Variants in AVEN observed in about 807,000 individuals in gnomAD.
AVEN encodes cell death regulator Aven.
AVEN carries 41 observed loss-of-function variants against 38.1 expected under a neutral mutation model. The observed-to-expected ratio is 1.08, with a 90% confidence interval of 0.84 to 1.40. The LOEUF (loss-of-function observed/expected upper bound fraction) is 1.40. Among genes scored for constraint, AVEN ranks in the 40% most tolerant of loss-of-function variants. The pLI is 0.00. For synonymous variants in AVEN, 206 were observed against 171.8 expected, an observed-to-expected ratio of 1.20 and a Z score of -1.56; for missense variants, 605 against 438.8, an observed-to-expected ratio of 1.38 and a Z score of -3.38.
intron 2 of AVEN, among the ~76,000 whole-genome samples, chr15:33,897,298 A>T (rs7495254): frequency 6.9e-3 from 33 of 4,812 alleles, no homozygotes; most frequent in Non-Finnish European, 0.014. Flanking sequence ...TAAATTAATT[A>T]ATTAATTTAT....
chr15:33,968,889 T>A (rs1453003221), intron 2 of AVEN: 1 of 152,086 alleles, frequency 6.6e-6, no homozygotes, highest in African/African-American at 2.4e-5. Flanking sequence ...TTGTTTGTGA[T>A]CAGATCAACT....
downstream of AVEN, chr15:33,865,000 G>A (rs1323411134): frequency 3.1e-6 from 2 of 635,200 alleles, no homozygotes; most frequent in African/African-American, 1.8e-5. Flanking sequence ...GAGCAAGAAT[G>A]AATGTGCAGG....
intron 1 of AVEN, among the ~76,000 whole-genome samples, chr15:34,019,392 A>G (rs1332520954): frequency 1.3e-5 from 2 of 152,242 alleles, no homozygotes; most frequent in African/African-American, 4.8e-5. Flanking sequence ...AAAATATTTA[A>G]AAGTTTATAA....
chr15:34,038,958 C>T lies in AVEN; in HGVS notation c.89G>A (p.Gly30Glu), dbSNP rs1472373078. The change falls in exon 1 of 6, where the codon GGA becomes GAA. Residue 30 changes from glycine to glutamate, a missense_variant. Gly to Glu is a moderately conservative substitution (Grantham distance 98). Transcript: ENST00000306730. Reference protein sequence around the residue: ...PGGDRHSERPGAAAAVARGGG... With the variant: ...PGGDRHSERPEAAAAVARGGG... ...GCCTCTGGCTACCGCCGCTGCGGCT[C>T]CGGGCCGCTCGCTGTGGCGATCTCC... is the stretch of plus-strand genomic sequence containing the variant. 3.6e-6 allele frequency: 4 copies of T among 1,108,452 alleles called. No individual in the cohort carries two copies. The highest frequency in any genetic ancestry group is 3.9e-5 in the South Asian group (1 of 25,444). The allele number at this position is 1,108,452 out of a possible 1,614,324, so 68.7% of individuals were successfully genotyped here.
intron 2 of AVEN, among the ~76,000 whole-genome samples, chr15:33,882,820 C>A (rs1043072886): frequency 6.6e-6 from 1 of 152,124 alleles, no homozygotes; most frequent in Non-Finnish European, 1.5e-5. Flanking sequence ...TGCAGTGGAG[C>A]TGACATCATG....
intron 2 of AVEN, among the ~76,000 whole-genome samples, chr15:33,918,816 CAG>C (rs994781045): frequency 2.6e-5 from 4 of 152,108 alleles, no homozygotes; most frequent in South Asian, 2.1e-4. Flanking sequence ...ATTGACTAAA[CAG>C]AATTTCCTCA....
chr15:33,982,811 TC>T (rs1896213426), intron 2 of AVEN, among the ~76,000 whole-genome samples: 5 of 152,046 alleles, frequency 3.3e-5, no homozygotes, highest in African/African-American at 1.2e-4. Context: ...TCTCTCTCTC[TC>T]TGGACCAGCC....
chr15:33,882,536 T>A (rs1891531178), intron 2 of AVEN, among the ~76,000 whole-genome samples: 1 of 146,024 alleles, frequency 6.8e-6, no homozygotes, highest in African/African-American at 2.5e-5. Context: ...TTAAATCAAA[T>A]AATTGTGTGA....
Position 33,867,798 on chromosome 15 carries a change from C to T in AVEN, c.670G>A (p.Gly224Arg). The T allele has an allele frequency of 6.2e-7, 1 of 1,612,484 alleles. No individual in the cohort carries two copies. The highest frequency in any genetic ancestry group is 8.5e-7 in the Non-Finnish European group (1 of 1,179,510). The change falls in exon 5 of 6, where the codon GGA (glycine) becomes AGA (arginine). Residue 224 changes from glycine to arginine, a missense_variant. By Grantham distance (125) the Gly-to-Arg change is moderately radical. Transcript: ENST00000306730. ...GGCCCCTTTAACTGCATCCCTAATCCCTTGCCATCATCAGTTCTCTTTGGT... is the reference window on the plus strand; with the variant it reads ...GGCCCCTTTAACTGCATCCCTAATCTCTTGCCATCATCAGTTCTCTTTGGT... ...VKPKRTDDGKGLGMQLKGPLG... is the reference protein window; with the variant it reads ...VKPKRTDDGKRLGMQLKGPLG...
At chr15:34,020,840 C>G (rs1354818247) in intron 1 of AVEN, among the ~76,000 whole-genome samples, 1 of 152,156 alleles carries the variant, frequency 6.6e-6, no homozygotes, top group Non-Finnish European at 1.5e-5. Context: ...CAGCCCTAAC[C>G]AGTAAAAGCT....
At chr15:33,900,670 A>G (rs565565170) in intron 2 of AVEN, among the ~76,000 whole-genome samples, 1 of 152,284 alleles carries the variant, frequency 6.6e-6, no homozygotes, top group South Asian at 2.1e-4. Flanking sequence ...CAAGTAAAAT[A>G]TCATTGGTGC....
chr15:34,002,550 A>G (rs1897176913), intron 2 of AVEN, among the ~76,000 whole-genome samples: 1 of 152,178 alleles, frequency 6.6e-6, no homozygotes, highest in East Asian at 1.9e-4. Flanking sequence ...AGAGAAGACT[A>G]TCCAAAAGCA....
chr15:33,963,245 G>C (rs1895266036), intron 2 of AVEN, among the ~76,000 whole-genome samples: 1 of 152,088 alleles, frequency 6.6e-6, no homozygotes, highest in Non-Finnish European at 1.5e-5. Flanking sequence ...GCTTTGCATG[G>C]GTTAATCAGA....
chr15:33,861,729 A>C (rs1329200127), downstream of AVEN, among the ~76,000 whole-genome samples: 1 of 152,176 alleles, frequency 6.6e-6, no homozygotes, highest in East Asian at 1.9e-4. Flanking sequence ...TTCAGTTTTC[A>C]GGCCTCATCA....
At chr15:33,877,705 T>C (rs7178353) in intron 2 of AVEN, among the ~76,000 whole-genome samples, 19,786 of 151,974 alleles carry the variant, frequency 0.13, 1,986 homozygotes, top group African/African-American at 0.28. Context: ...AATCCCAGCA[T>C]TGTCGGAGGC....
intron 2 of AVEN, among the ~76,000 whole-genome samples, chr15:33,978,418 C>T (rs1388635631): frequency 1.3e-5 from 2 of 152,186 alleles, no homozygotes; most frequent in African/African-American, 4.8e-5. Flanking sequence ...AATCCCAGCA[C>T]TTTAGGAGCC....
At chr15:33,953,209 G>T (rs982051322) in intron 2 of AVEN, among the ~76,000 whole-genome samples, 1 of 151,978 alleles carries the variant, frequency 6.6e-6, no homozygotes, top group African/African-American at 2.4e-5. Context: ...TGACCATACT[G>T]CCCAAGGTAA....
chr15:33,961,845 G>T (rs1000918289), intron 2 of AVEN, among the ~76,000 whole-genome samples: 7 of 144,442 alleles, frequency 4.8e-5, no homozygotes, highest in Non-Finnish European at 7.5e-5. Context: ...AAAAGAAAAC[G>T]AAGTGCCTGA....
intron 2 of AVEN, among the ~76,000 whole-genome samples, chr15:33,887,883 T>C (rs1891768540): frequency 6.6e-6 from 1 of 152,180 alleles, no homozygotes; most frequent in Admixed American, 6.5e-5. Context: ...ACTTTGTTGG[T>C]GAAAACCACC....
Sources: gnomAD v4.1 joint callset for allele counts (sites outside exome capture counted in the v4.1 genomes callset) on GRCh38, gnomAD v4.1.1 for gene constraint, MANE v1.5 for transcripts, NCBI Gene and HGNC (gene_info 2026-07-23, HGNC 2026-07-21) for gene names.